Variants in TRAPPC9 observed in about 807,000 individuals in gnomAD.
TRAPPC9 encodes trafficking protein particle complex subunit 9.
TRAPPC9 carries 83 observed loss-of-function variants against 124.0 expected under a neutral mutation model. That is an observed-to-expected ratio of 0.67 (90% CI 0.56 to 0.80). The LOEUF (loss-of-function observed/expected upper bound fraction) is 0.80, where lower values mean the gene tolerates loss of function less well. Among genes scored for constraint, TRAPPC9 ranks in the 30% least tolerant of loss-of-function variants. The probability of loss-of-function intolerance (pLI) is 0.00; values close to 1 mark genes in which losing one functional copy is unlikely to be tolerated. For missense variants in TRAPPC9, 1,302 were observed against 1,508.3 expected (o/e 0.86, Z 2.27); for synonymous variants, 638 against 617.5 (o/e 1.03, Z -0.49).
chr8:140,197,903 A>C (rs917142934), intron 17 of TRAPPC9, among the ~76,000 whole-genome samples: 1 of 152,172 alleles, frequency 6.6e-6, no homozygotes, highest in Non-Finnish European at 1.5e-5. Context: ...CTAACACAAT[A>C]ATGTTCAAGA....
At chr8:140,366,768 A>G (rs1047374409) in intron 8 of TRAPPC9, among the ~76,000 whole-genome samples, 2 of 152,252 alleles carry the variant, frequency 1.3e-5, no homozygotes, top group Admixed American at 6.5e-5. Flanking sequence ...TGCAAAAGAC[A>G]TATCAAGAGA....
In TRAPPC9 at chr8:140,221,454, C is replaced by T; in HGVS notation, c.2556+5G>A. Reference sequence around the variant, plus strand: ...TGGCAGATGCCGTCTGCCATACCAACTCACCTTCACGTGGCTGTAGTCGCC... The same window carrying T: ...TGGCAGATGCCGTCTGCCATACCAATTCACCTTCACGTGGCTGTAGTCGCC... On this transcript the variant is annotated splice_donor_5th_base_variant and intron_variant, in intron 17 of 22. Transcript: ENST00000438773. 6.2e-7 allele frequency: 1 copy of T among 1,614,044 alleles called. No homozygotes were observed. The highest frequency in any genetic ancestry group is 8.5e-7 in the Non-Finnish European group (1 of 1,179,946).
chr8:139,822,885 T>C (rs1825349692), intron 21 of TRAPPC9, among the ~76,000 whole-genome samples: 1 of 152,188 alleles, frequency 6.6e-6, no homozygotes, highest in South Asian at 2.1e-4. Context: ...TTTCTCACAG[T>C]TCTGGAGGCT....
At chr8:139,816,180 T>C (rs1443885093) in intron 21 of TRAPPC9, among the ~76,000 whole-genome samples, 1 of 152,112 alleles carries the variant, frequency 6.6e-6, no homozygotes, top group Non-Finnish European at 1.5e-5. Context: ...TGTGGAGGCC[T>C]GGAAGGCCAG....
chr8:140,304,311 T>TC (rs1386537016), intron 10 of TRAPPC9, among the ~76,000 whole-genome samples: 1 of 152,116 alleles, frequency 6.6e-6, no homozygotes, highest in Non-Finnish European at 1.5e-5. Context: ...GCCAGGCCGG[T>TC]CTCGAACTCC....
chr8:139,999,206 A>G (rs1421147546), intron 18 of TRAPPC9, among the ~76,000 whole-genome samples: 1 of 152,124 alleles, frequency 6.6e-6, no homozygotes. Context: ...AAAAAAAAAC[A>G]CTCAACTATA....
intron 17 of TRAPPC9, among the ~76,000 whole-genome samples, chr8:140,044,393 A>G (rs533543452): frequency 1.2e-4 from 18 of 152,366 alleles, no homozygotes; most frequent in Non-Finnish European, 2.5e-4. Context: ...ATGGGCCGGT[A>G]AAGAAACCGT....
intron 21 of TRAPPC9, among the ~76,000 whole-genome samples, chr8:139,848,692 T>C (rs547818872): frequency 6.6e-6 from 1 of 152,314 alleles, no homozygotes; most frequent in East Asian, 1.9e-4. Context: ...TAGAAGCCTA[T>C]ATACTTAGAT....
chr8:139,853,983 T>C (rs1387881597), intron 21 of TRAPPC9, among the ~76,000 whole-genome samples: 1 of 152,260 alleles, frequency 6.6e-6, no homozygotes, highest in Non-Finnish European at 1.5e-5. Context: ...ACCAAAATAT[T>C]ATTTAATTTT....
intron 21 of TRAPPC9, among the ~76,000 whole-genome samples, chr8:139,821,932 T>C (rs936869044): frequency 1.3e-5 from 2 of 152,242 alleles, no homozygotes; most frequent in African/African-American, 4.8e-5. Flanking sequence ...GGCTATTGGC[T>C]GGGCCTAAAT....
intron 2 of TRAPPC9, among the ~76,000 whole-genome samples, chr8:140,440,384 G>A (rs2070970408): frequency 6.6e-6 from 1 of 152,140 alleles, no homozygotes; most frequent in South Asian, 2.1e-4. Context: ...GCACGCGCCT[G>A]TAGTCCCAGC....
intron 19 of TRAPPC9, among the ~76,000 whole-genome samples, chr8:139,951,411 G>A (rs931889150): frequency 6.6e-6 from 1 of 152,210 alleles, no homozygotes; most frequent in Non-Finnish European, 1.5e-5. Flanking sequence ...GCTGCCTGGG[G>A]GCAGGTGTCC....
chr8:139,852,209 C>A (rs556753238), intron 21 of TRAPPC9, among the ~76,000 whole-genome samples: 1 of 152,306 alleles, frequency 6.6e-6, no homozygotes, highest in East Asian at 1.9e-4. Context: ...TGTGAGGCCT[C>A]CCCAACCACG....
At position 139,961,177 on chromosome 8, in the gene TRAPPC9, C is replaced by T. The variant is rs1352933117; in HGVS notation, c.2810+27549G>A. 1.3e-4 allele frequency among the ~76,000 whole-genome samples: 16 copies of T among 124,758 alleles called. 3 individuals are homozygous for T. Among genetic ancestry groups the T allele is most frequent in the East Asian group, 6.7e-4 (3 of 4,460 alleles). The allele number at this position is 124,758 out of a possible 152,430, so 81.8% of individuals were successfully genotyped here. A position where few individuals can be genotyped will look rare whatever the true frequency, so the allele number is the denominator to read the frequency against. On this transcript the variant is annotated intron_variant, in intron 19 of 22. Coordinates refer to ENST00000438773, the MANE Select transcript of TRAPPC9 (RefSeq NM_001160372.4). ...ACAAACCCACGTGTGTCCTCAGCTG[C>T]GCCTGCACATTTCTACCGTCTGCCC...
intron 21 of TRAPPC9, among the ~76,000 whole-genome samples, chr8:139,856,162 C>G (rs923881570): frequency 6.6e-6 from 1 of 152,134 alleles, no homozygotes. Flanking sequence ...CCCTCTGTGC[C>G]GTGCTCTCAG....
At chr8:140,157,561 T>C (rs1285412933) in intron 17 of TRAPPC9, among the ~76,000 whole-genome samples, 3 of 152,244 alleles carry the variant, frequency 2.0e-5, no homozygotes, top group Non-Finnish European at 4.4e-5. Flanking sequence ...GCAAGGGGAC[T>C]GTCGTCCAAT....
chr8:140,024,212 C>T (rs939361937), intron 17 of TRAPPC9, 133 bp from the exon 18 acceptor site: 49 of 1,145,260 alleles, frequency 4.3e-5, no homozygotes, highest in Admixed American at 3.9e-4. Context: ...CAGCATTGGC[C>T]GACTCACAAC....
intron 17 of TRAPPC9, among the ~76,000 whole-genome samples, chr8:140,066,893 T>C (rs1013709237): frequency 1.1e-4 from 16 of 152,314 alleles, no homozygotes; most frequent in South Asian, 6.2e-4. Flanking sequence ...GCAGGGGAGC[T>C]GTCAGAGGAA....
chr8:140,231,481 CTTTTTTTTTTTT>C (rs71320347), intron 16 of TRAPPC9, among the ~76,000 whole-genome samples: 4 of 56,954 alleles, frequency 7.0e-5, no homozygotes, highest in Non-Finnish European at 9.2e-5. Context: ...ACTGCCTTTT[CTTTTTTTTTTTT>C]TTTTTTTTTT....
Sources: allele counts gnomAD v4.1 joint callset (sites outside exome capture counted in the v4.1 genomes callset), GRCh38; gene constraint gnomAD v4.1.1; transcripts MANE v1.5; gene names NCBI Gene and HGNC (gene_info 2026-07-23, HGNC 2026-07-21).